Variants in TONSL observed in about 807,000 individuals in gnomAD.
The protein encoded by TONSL is tonsoku-like protein.
A neutral mutation model predicts 147.1 loss-of-function variants in TONSL; 112 were observed. The observed-to-expected ratio is 0.76, with a 90% CI of 0.65 to 0.89. TONSL has a LOEUF of 0.89. Among genes scored for constraint, TONSL ranks in the 40% least tolerant of loss-of-function variants. The pLI is 0.00. For synonymous variants in TONSL, 868 were observed against 801.5 expected (o/e 1.08, Z -1.40); for missense variants, 1,883 against 1,864.6 (o/e 1.01, Z -0.18).
At position 144,435,081 on chromosome 8, in the gene TONSL, C is replaced by T. The variant is rs762861305; in HGVS notation, c.2942G>A (p.Arg981Gln). The T allele has an allele frequency of 2.3e-5, 37 of 1,608,926 alleles. 1 individual carries two copies. The Middle Eastern group carries it at 6.7e-4, about 29-fold the overall frequency. ...TGGGGCCAGCAGGGCCCCCTCTTTC[C>T]GTAGGGTGAGCCTGGGCAGCAGCCC... ...TCGLLPRLTL[R>Q]KEGALLAPQD... is the part of the protein sequence containing the mutation. The change falls in exon 19 of 26, where the codon CGG (arginine) becomes CAG (glutamine). Residue 981 changes from arginine to glutamine, a missense_variant. By Grantham distance (43) the Arg-to-Gln change is conservative. Transcript: ENST00000409379.
In TONSL at chr8:144,440,151, AG is replaced by A; in HGVS notation, c.1349del (p.Pro450LeufsTer12). ...GCTCCCGTAGTCTGGTTTCGGTCTC[AG>A]GGGCCTCCTGGGGCTGCAGCCTCAG... ...VQLRLQPQEAPETETRLRELS... is the reference protein window; with the variant it reads ...VQLRLQPQEAXETETRLRELS... On this transcript the variant is annotated frameshift_variant, in exon 11 of 26. Transcript: ENST00000409379. LOFTEE classifies it high-confidence loss of function. 6.2e-7 allele frequency: 1 copy of A among 1,611,540 alleles called. No homozygotes were observed. Among genetic ancestry groups the A allele is most frequent in the Non-Finnish European group, 8.5e-7 (1 of 1,179,516 alleles).
Position 144,443,878 on chromosome 8 carries a change from G to A in TONSL, c.264+4C>T. ...CTGGACGAGGCCAGTGAGGGCGCCCGCACCTGCAAGGCAGCCGGGTAGTCC... is the reference window on the plus strand; with the variant it reads ...CTGGACGAGGCCAGTGAGGGCGCCCACACCTGCAAGGCAGCCGGGTAGTCC... On this transcript the variant is annotated splice_donor_region_variant and intron_variant, in intron 3 of 25. Transcript: ENST00000409379. The A allele has an allele frequency of 6.5e-7, 1 of 1,544,662 alleles. No homozygotes were observed. The highest frequency in any genetic ancestry group is 1.2e-5 in the South Asian group (1 of 84,028).
At chr8:144,430,646 C>G in intron 24 of TONSL, 109 bp from the exon 25 acceptor site, 1 of 1,358,598 alleles carries the variant, frequency 7.4e-7, no homozygotes, top group Middle Eastern at 2.1e-4. Context: ...CGGGCCAGAC[C>G]CAGGGGCTCT....
intron 24 of TONSL, 143 bp from the exon 25 acceptor site, chr8:144,430,680 G>T: frequency 1.9e-6 from 2 of 1,058,478 alleles, no homozygotes; most frequent in Admixed American, 5.8e-5. Context: ...CCAGTAGCAG[G>T]TGGCCCTCTA....
intron 1 of TONSL, 22 bp from the exon 2 acceptor site, chr8:144,444,297 TG>T: frequency 7.3e-7 from 1 of 1,370,554 alleles, no homozygotes. Context: ...AGAGGAGGGC[TG>T]GGCCTCCGCG....
chr8:144,429,406 C>G (rs782666751), intron 25 of TONSL, 70 bp from the exon 26 acceptor site: 7 of 1,331,156 alleles, frequency 5.3e-6, no homozygotes, highest in Non-Finnish European at 6.8e-6. Context: ...GCGGCAGGCT[C>G]CAGGGAACAA....
At chr8:144,442,926 G>T in intron 4 of TONSL, 120 bp from the exon 5 acceptor site, 1 of 1,383,796 alleles carries the variant, frequency 7.2e-7, no homozygotes, top group South Asian at 1.4e-5. Context: ...CGAGGTGGGT[G>T]CAAGTGTCCT....
chr8:144,442,881 C>T (rs965982068), intron 4 of TONSL, 75 bp from the exon 5 acceptor site: 4 of 1,530,224 alleles, frequency 2.6e-6, no homozygotes, highest in Non-Finnish European at 8.8e-7. Context: ...CCATTTGGGG[C>T]CTGTGCAGCG....
At chr8:144,429,580 A>G (rs180703526) in intron 25 of TONSL, among the ~76,000 whole-genome samples, 1 of 152,220 alleles carries the variant, frequency 6.6e-6, no homozygotes, top group East Asian at 1.9e-4. Flanking sequence ...CCCGATCTCA[A>G]AGTCCATGCC....
Position 144,440,405 on chromosome 8 carries a change from C to T in TONSL, c.1236G>A (p.Pro412=), listed in dbSNP as rs139731874. ...CACAGCTGAGCGCTTTCTGGAAGCA[C>T]GGGGCCAGCAGCTCGTAGGCATCGC... ...EAGDAYELLA[P]CFQKALSCAQ... is the part of the protein sequence containing the mutation. The change falls in exon 10 of 26, where the codon CCG becomes CCA. Residue 412 remains proline, a synonymous_variant. Coordinates refer to ENST00000409379, the MANE Select transcript of TONSL (RefSeq NM_013432.5). 4.3e-5 allele frequency: 69 copies of T among 1,607,904 alleles called. No homozygotes were observed. The African/African-American group carries it at 5.1e-4, about 12-fold the overall frequency.
At chr8:144,434,725 C>G in intron 20 of TONSL, 86 bp downstream of exon 20, 1 of 1,479,370 alleles carries the variant, frequency 6.8e-7, no homozygotes, top group African/African-American at 1.4e-5. Flanking sequence ...CACCCGAGGC[C>G]CAGGAATGAA....
Position 144,435,167 on chromosome 8 carries a change from A to G in TONSL, c.2856T>C (p.Ser952=), listed in dbSNP as rs1267963247. 8 of 1,543,864 alleles carry G rather than the reference A, an allele frequency of 5.2e-6. No individual in the cohort carries two copies. The highest frequency in any genetic ancestry group is 6.1e-6 in the Non-Finnish European group (7 of 1,146,006). ...CCAGCCAGGCCACAGAGTGGGTGTC[A>G]CTGCTGCAGGGACAGAGGCGCTGCT... ...HLFLIPVPHS[S]DTHSVAWLAE... The change falls in exon 19 of 26, where the codon AGT becomes AGC. Residue 952 remains serine, a synonymous_variant. Transcript: ENST00000409379.
At chr8:144,444,123 TCCCGGCCCGGGCCCGGGC>T (rs1157129022) in intron 2 of TONSL, 39 bp downstream of exon 2, 15 of 1,264,500 alleles carry the variant, frequency 1.2e-5, no homozygotes, top group Non-Finnish European at 1.4e-5. Context: ...CGGCCCCCGA[TCCCGGCCCGGGCCCGGGC>T]CCCGGCCCTG....
In TONSL at chr8:144,436,631, C is replaced by A; in HGVS notation, c.1941G>T (p.Arg647Ser). The A allele has an allele frequency of 6.2e-7, 1 of 1,612,244 alleles. No homozygotes were observed. Among genetic ancestry groups the A allele is most frequent in the Non-Finnish European group, 8.5e-7 (1 of 1,179,966 alleles). Residue 647 changes from arginine to serine, a missense_variant, in exon 16 of 26, where the codon AGG becomes AGT. By Grantham distance (110) the Arg-to-Ser change is moderately radical (BLOSUM62 -1). Transcript: ENST00000409379. ...TLQQWVKLYRRDLDLETRQKA... is the reference protein window; with the variant it reads ...TLQQWVKLYRSDLDLETRQKA... ...TCTGCCGCGTCTCCAGGTCCAGGTC[C>A]CTGCGGTACAGCTTCACCCACTGCT...
rs571891911 is a variant in TONSL at position 144,442,421 on chromosome 8, G to A, written c.579-9C>T. On this transcript the variant is annotated splice_polypyrimidine_tract_variant and intron_variant, in intron 5 of 25. Coordinates refer to ENST00000409379, the MANE Select transcript of TONSL (RefSeq NM_013432.5). ...CGTAAAGGTGGTTCTGCCTGCAGAG[G>A]GGTGACGACCACTGAGCACCCAGGA... The A allele has an allele frequency of 1.7e-5, 26 of 1,531,264 alleles. No homozygotes were observed. The East Asian group carries it at 4.1e-4, about 24-fold the overall frequency. The allele number at this position is 1,531,264 out of a possible 1,614,324, so 94.9% of individuals were successfully genotyped here. A position where few individuals can be genotyped will look rare whatever the true frequency, so the allele number is the denominator to read the frequency against.
chr8:144,435,338 A>G, intron 18 of TONSL, 136 bp downstream of exon 18: 3 of 1,227,250 alleles, frequency 2.4e-6, no homozygotes, highest in East Asian at 2.6e-5. Flanking sequence ...CCCCTCTGCT[A>G]TTCCTGGGGG....
At chr8:144,439,992 G>A (rs1365565096) in intron 11 of TONSL, 29 bp downstream of exon 11, 1 of 914,732 alleles carries the variant, frequency 1.1e-6, no homozygotes. Flanking sequence ...AGCAGGCCCA[G>A]GGAAATGCAA....
chr8:144,433,595 A>G lies in TONSL; in HGVS notation c.3552T>C (p.Ala1184=). ...AGTGCCTGGTCAGCTCACCTTGGAAAGCACTACCCAGTGCTGTCTGGTGGC... is the reference window on the plus strand; with the variant it reads ...AGTGCCTGGTCAGCTCACCTTGGAAGGCACTACCCAGTGCTGTCTGGTGGC... ...FLSHQTALGS[A]FQDAEHLKTL... The change falls in exon 22 of 26, where the codon GCT becomes GCC. Residue 1184 remains alanine, a synonymous_variant. Transcript: ENST00000409379. 6.2e-7 allele frequency: 1 copy of G among 1,613,216 alleles called. No individual in the cohort carries two copies. The highest frequency in any genetic ancestry group is 1.1e-5 in the South Asian group (1 of 91,058).
chr8:144,439,669 T>A (rs1823624735), intron 11 of TONSL, among the ~76,000 whole-genome samples: 1 of 152,226 alleles, frequency 6.6e-6, no homozygotes, highest in South Asian at 2.1e-4. Flanking sequence ...AACCCAAGCC[T>A]GCTCTGAAGG....
Sources: allele counts gnomAD v4.1 joint callset (sites outside exome capture counted in the v4.1 genomes callset), GRCh38; gene constraint gnomAD v4.1.1; transcripts MANE v1.5; gene names NCBI Gene and HGNC (gene_info 2026-07-23, HGNC 2026-07-21).